Variants in DCAF8L2 observed in about 807,000 individuals in gnomAD.
The protein encoded by DCAF8L2 is DDB1 and CUL4 associated factor 8 like 2, also known as DDB1- and CUL4-associated factor 8-like protein 2.
For synonymous variants in DCAF8L2, 200 were observed against 190.9 expected (o/e 1.05, Z -0.39); for missense variants, 430 against 490.7 (o/e 0.88, Z 1.17).
chrX:27,743,697 TATTATTTA>T (rs1454131224), intron 4 of DCAF8L2, among the ~76,000 whole-genome samples: 1 of 94,048 alleles, frequency 1.1e-5, no homozygotes, highest in Non-Finnish European at 2.1e-5. Context: ...GCCTGGCTTT[TATTATTTA>T]TTTATTTATT....
chrX:27,690,523 A>G (rs1930675104), intron 3 of DCAF8L2, among the ~76,000 whole-genome samples: 1 of 110,527 alleles, frequency 9.0e-6, no homozygotes, highest in South Asian at 3.9e-4. Context: ...AGAGTTCGGC[A>G]CTCTTGCCCA....
At chrX:27,628,395 G>A (rs1007513074) in intron 1 of DCAF8L2, among the ~76,000 whole-genome samples, 1 of 111,890 alleles carries the variant, frequency 8.9e-6, no homozygotes, top group African/African-American at 3.2e-5. Context: ...ATGAACATGG[G>A]AATGCAGATA....
intron 3 of DCAF8L2, among the ~76,000 whole-genome samples, chrX:27,696,208 A>C (rs1602744481): frequency 9.4e-6 from 1 of 106,070 alleles, no homozygotes; most frequent in Non-Finnish European, 1.9e-5. Flanking sequence ...GAAGAAAAAA[A>C]AAAGAAGAAA....
the DCAF8L2 span, among the ~76,000 whole-genome samples, chrX:27,510,616 C>T: frequency 9.3e-6 from 1 of 108,054 alleles, no homozygotes; most frequent in Non-Finnish European, 1.9e-5. Flanking sequence ...AGTTTTTCTG[C>T]TTTTTGTCAG....
intron 4 of DCAF8L2, among the ~76,000 whole-genome samples, chrX:27,720,652 C>T (rs1382513528): frequency 1.8e-5 from 2 of 112,007 alleles, no homozygotes; most frequent in Non-Finnish European, 3.8e-5. Flanking sequence ...GGATTTCAGG[C>T]GTGAGCCACC....
At chrX:27,533,194 GAAAGAAAGAA>G in the DCAF8L2 span, among the ~76,000 whole-genome samples, 1 of 28,539 alleles carries the variant, frequency 3.5e-5, no homozygotes, top group African/African-American at 7.6e-5. Context: ...AAGAAAGAAA[GAAAGAAAGAA>G]AGAAAGAAAG....
At chrX:27,519,465 G>A in the DCAF8L2 span, 1 of 1,105,772 alleles carries the variant, frequency 9.0e-7, no homozygotes, top group Non-Finnish European at 1.2e-6. Context: ...AGAAGAAAAA[G>A]GAAGAGGAAG....
chrX:27,712,991 A>AAATC (rs1391614290), intron 3 of DCAF8L2, among the ~76,000 whole-genome samples: 1 of 111,763 alleles, frequency 8.9e-6, no homozygotes, highest in East Asian at 2.8e-4. Flanking sequence ...ATTAACAGTG[A>AAATC]AATCCCTATT....
intron 3 of DCAF8L2, among the ~76,000 whole-genome samples, chrX:27,691,533 A>G (rs926010892): frequency 2.7e-5 from 3 of 111,711 alleles, no homozygotes; most frequent in Non-Finnish European, 5.7e-5. Context: ...GATGATAGCT[A>G]ATTTTCATTG....
At position 27,748,149 on chromosome X, in the gene DCAF8L2, T is replaced by C; in HGVS notation, c.1254T>C (p.Asn418=). 8.3e-7 allele frequency: 1 copy of C among 1,211,979 alleles called. No homozygotes were observed. The highest frequency in any genetic ancestry group is 1.1e-6 in the Non-Finnish European group (1 of 895,579). ...LKKFTPHHLV[N]CDFPTNITCV... ...AATTCACTCCTCATCATCTGGTTAATTGTGATTTCCCAACAAACATCACCT... is the reference window on the plus strand; with the variant it reads ...AATTCACTCCTCATCATCTGGTTAACTGTGATTTCCCAACAAACATCACCT... Residue 418 remains asparagine (N), a synonymous_variant, in exon 5 of 5, where the codon AAT becomes AAC. Coordinates refer to ENST00000451261, the MANE Select transcript of DCAF8L2 (RefSeq NM_001353450.2).
At chrX:27,674,557 A>G (rs1569178907) in intron 2 of DCAF8L2, among the ~76,000 whole-genome samples, 1 of 111,181 alleles carries the variant, frequency 9.0e-6, no homozygotes, top group East Asian at 2.8e-4. Flanking sequence ...TGACTTTCTC[A>G]TGTTCATGTT....
At chrX:27,506,305 A>G in the DCAF8L2 span, among the ~76,000 whole-genome samples, 19 of 111,961 alleles carry the variant, frequency 1.7e-4, no homozygotes, top group African/African-American at 6.2e-4. Context: ...CTCCACTCCA[A>G]AAGAACTTTG....
At chrX:27,639,697 A>C (rs926428179) in intron 2 of DCAF8L2, among the ~76,000 whole-genome samples, 1 of 111,339 alleles carries the variant, frequency 9.0e-6, no homozygotes, top group Non-Finnish European at 1.9e-5. Context: ...TTTTCAATTT[A>C]CATTTTTTAA....
chrX:27,735,760 A>G (rs987471190), intron 4 of DCAF8L2, among the ~76,000 whole-genome samples: 5 of 111,808 alleles, frequency 4.5e-5, no homozygotes, highest in Non-Finnish European at 7.5e-5. Context: ...GAAGCACATT[A>G]CAGTGAATCA....
intron 4 of DCAF8L2, among the ~76,000 whole-genome samples, chrX:27,716,937 C>G (rs778306647): frequency 9.0e-6 from 1 of 111,440 alleles, no homozygotes; most frequent in Admixed American, 9.5e-5. Context: ...CCTGTGTCCA[C>G]GTGTTCTCAT....
the DCAF8L2 span, chrX:27,518,257 C>T: frequency 9.0e-6 from 8 of 888,792 alleles, no homozygotes; most frequent in Admixed American, 1.5e-4. Flanking sequence ...GCCAGGCTAC[C>T]TGGCTAATGA....
At position 27,719,688 on chromosome X, in the gene DCAF8L2, G is replaced by A. The variant is rs768239668; in HGVS notation, c.-59+3517G>A. Among the ~76,000 whole-genome samples the A allele has an allele frequency of 5.4e-5, 6 of 110,820 alleles. No individual in the cohort carries two copies. The South Asian group carries it at 1.1e-3, about 21-fold the overall frequency. ...TCAAACTTCTGACCTCAAGTGATCCGCACACCTCAGCCTCCCAAAGTGCTG... is the reference window on the plus strand; with the variant it reads ...TCAAACTTCTGACCTCAAGTGATCCACACACCTCAGCCTCCCAAAGTGCTG... On this transcript the variant is annotated intron_variant, in intron 4 of 4. Coordinates refer to ENST00000451261, the MANE Select transcript of DCAF8L2 (RefSeq NM_001353450.2).
chrX:27,504,064 T>A, the DCAF8L2 span, among the ~76,000 whole-genome samples: 1 of 112,123 alleles, frequency 8.9e-6, no homozygotes, highest in Non-Finnish European at 1.9e-5. Context: ...TTGCAAAAAT[T>A]AGTGTGTGAT....
intron 4 of DCAF8L2, among the ~76,000 whole-genome samples, chrX:27,743,199 G>T (rs1223703361): frequency 9.2e-6 from 1 of 108,660 alleles, no homozygotes; most frequent in African/African-American, 3.4e-5. Flanking sequence ...GGATTCGCTT[G>T]TCTCAGCCTC....
Sources: gnomAD v4.1 joint callset for allele counts (sites outside exome capture counted in the v4.1 genomes callset) on GRCh38, gnomAD v4.1.1 for gene constraint, MANE v1.5 for transcripts, NCBI Gene and HGNC (gene_info 2026-07-23, HGNC 2026-07-21) for gene names.